MAPRE2: variants seen among roughly 807,000 people sequenced by gnomAD.
MAPRE2 encodes the protein microtubule-associated protein RP/EB family member 2.
A neutral mutation model predicts 43.2 loss-of-function variants in MAPRE2; 13 were observed. The observed-to-expected ratio is 0.30, with a 90% CI of 0.20 to 0.48. The LOEUF (loss-of-function observed/expected upper bound fraction) is 0.48, where lower values mean the gene tolerates loss of function less well. Among genes scored for constraint, MAPRE2 ranks in the 20% least tolerant of loss-of-function variants. The pLI is 0.99. For synonymous variants in MAPRE2, 135 were observed against 148.8 expected (o/e 0.91, Z 0.68); for missense variants, 161 against 400.2 (o/e 0.40, Z 5.10).
chr18:35,100,259 C>A (rs1042390235), intron 3 of MAPRE2, among the ~76,000 whole-genome samples: 1 of 152,140 alleles, frequency 6.6e-6, no homozygotes, highest in Non-Finnish European at 1.5e-5. Context: ...TTTCCATTTT[C>A]TTTAAAAAAA....
chr18:35,143,418 G>C lies in MAPRE2; in HGVS notation c.*3049G>C, dbSNP rs1033596895. The C allele has an allele frequency of 6.6e-6, 1 of 151,752 alleles. No homozygotes were observed. Among genetic ancestry groups the C allele is most frequent in the African/African-American group, 2.4e-5 (1 of 41,308 alleles). 9.4% of individuals were successfully genotyped at this position (151,752 alleles called of 1,614,324 possible). The stretch of plus-strand genomic sequence containing the variant: ...TTGTCTCTGAATATGTGAATAACTT[G>C]ACTTGCATTGATCTTTTTACATATT... On this transcript the variant is annotated 3_prime_UTR_variant, in exon 7 of 7. Transcript: ENST00000300249.
rs571580414 is a variant in MAPRE2 at position 35,136,838 on chromosome 18, A to G, written c.910-3457A>G. On this transcript the variant is annotated intron_variant, in intron 6 of 6. Transcript: ENST00000300249. ...TTTGCCTCTCTATCTAATGATTATA[A>G]GGAAACTAAAGAATGATAGTTTTCT... Among the ~76,000 whole-genome samples the G allele has an allele frequency of 2.6e-5, 4 of 152,342 alleles. No individual in the cohort carries two copies. The South Asian group carries it at 8.3e-4, about 32-fold the overall frequency.
chr18:35,137,958 T>G (rs1910462215), intron 6 of MAPRE2, among the ~76,000 whole-genome samples: 2 of 152,184 alleles, frequency 1.3e-5, no homozygotes, highest in South Asian at 4.1e-4. Context: ...GTTAGTTTCA[T>G]TCTTCTCCCT....
At chr18:35,124,217 C>T (rs1909810159) in intron 4 of MAPRE2, among the ~76,000 whole-genome samples, 1 of 152,092 alleles carries the variant, frequency 6.6e-6, no homozygotes, top group South Asian at 2.1e-4. Flanking sequence ...GCAAACATGT[C>T]CCTCTTCACA....
intron 2 of MAPRE2, among the ~76,000 whole-genome samples, chr18:35,023,282 G>A (rs1292301516): frequency 1.3e-5 from 2 of 152,040 alleles, no homozygotes; most frequent in African/African-American, 4.8e-5. Context: ...GGAGGCCGAG[G>A]TGGGTGGATC....
At chr18:34,984,415 G>C (rs2097017946) in intron 1 of MAPRE2, 1 of 152,008 alleles carries the variant, frequency 6.6e-6, no homozygotes, top group African/African-American at 2.4e-5. Context: ...GCAATTTATA[G>C]ACTGAAAAGA....
intron 5 of MAPRE2, among the ~76,000 whole-genome samples, chr18:35,130,911 C>T (rs1012678327): frequency 5.3e-5 from 8 of 152,148 alleles, no homozygotes; most frequent in Admixed American, 3.9e-4. Flanking sequence ...CTGCCTCCTC[C>T]CTTCACTTGG....
At chr18:35,077,055 T>C (rs966948797) in intron 2 of MAPRE2, among the ~76,000 whole-genome samples, 1 of 152,190 alleles carries the variant, frequency 6.6e-6, no homozygotes, top group African/African-American at 2.4e-5. Context: ...TGGAATGCCA[T>C]TGTTTTATTG....
chr18:34,999,928 C>T (rs2097028467), intron 1 of MAPRE2, among the ~76,000 whole-genome samples: 1 of 151,812 alleles, frequency 6.6e-6, no homozygotes. Flanking sequence ...TGAGCCCAAC[C>T]CAAGACCATT....
intron 1 of MAPRE2, among the ~76,000 whole-genome samples, chr18:35,003,445 A>G (rs1192839067): frequency 6.6e-6 from 1 of 152,242 alleles, no homozygotes; most frequent in Non-Finnish European, 1.5e-5. Flanking sequence ...TTCATTTATA[A>G]TAAGATAGTT....
chr18:35,085,908 C>T, intron 2 of MAPRE2, among the ~76,000 whole-genome samples: 1 of 152,172 alleles, frequency 6.6e-6, no homozygotes, highest in East Asian at 1.9e-4. Context: ...CCTTCCCATT[C>T]TTTGTTGATA....
At chr18:35,114,472 G>A (rs1909319484) in intron 4 of MAPRE2, among the ~76,000 whole-genome samples, 1 of 152,152 alleles carries the variant, frequency 6.6e-6, no homozygotes, top group Non-Finnish European at 1.5e-5. Context: ...TGCAGGAAAT[G>A]TTAAAACCAT....
intron 4 of MAPRE2, among the ~76,000 whole-genome samples, chr18:35,104,056 G>C (rs1180978244): frequency 6.6e-6 from 1 of 152,110 alleles, no homozygotes; most frequent in African/African-American, 2.4e-5. Flanking sequence ...CTGCAAAAAA[G>C]ATGAACATCA....
At chr18:35,108,899 A>G (rs755821511) in intron 4 of MAPRE2, among the ~76,000 whole-genome samples, 12 of 152,140 alleles carry the variant, frequency 7.9e-5, no homozygotes, top group Non-Finnish European at 1.5e-4. Flanking sequence ...GTAGATTGCA[A>G]AAATGTTCTC....
intron 1 of MAPRE2, among the ~76,000 whole-genome samples, chr18:35,069,134 C>T (rs1906982383): frequency 6.6e-6 from 1 of 152,046 alleles, no homozygotes; most frequent in African/African-American, 2.4e-5. Flanking sequence ...TGAGAAAAAT[C>T]CAGAATGTGG....
chr18:35,038,003 C>A (rs994944761), upstream of MAPRE2, among the ~76,000 whole-genome samples: 3 of 152,206 alleles, frequency 2.0e-5, no homozygotes, highest in African/African-American at 7.2e-5. Flanking sequence ...CATCCATGGG[C>A]ACTCTGCTGG....
At chr18:35,122,266 C>T (rs1357149018) in intron 4 of MAPRE2, among the ~76,000 whole-genome samples, 2 of 152,108 alleles carry the variant, frequency 1.3e-5, no homozygotes, top group African/African-American at 4.8e-5. Flanking sequence ...ATTTAATGAG[C>T]CCACTTTACA....
chr18:35,091,782 C>A (rs1908162576), intron 2 of MAPRE2, among the ~76,000 whole-genome samples: 1 of 151,844 alleles, frequency 6.6e-6, no homozygotes, highest in Non-Finnish European at 1.5e-5. Flanking sequence ...AAATACACTA[C>A]AGAGCTGTAG....
At chr18:35,044,762 T>G (rs377229967) in intron 1 of MAPRE2, among the ~76,000 whole-genome samples, 1 of 152,178 alleles carries the variant, frequency 6.6e-6, no homozygotes, top group East Asian at 1.9e-4. Flanking sequence ...ACCTAGAGGA[T>G]AGGGTGGCTC....
Sources: gnomAD v4.1 joint callset for allele counts (sites outside exome capture counted in the v4.1 genomes callset) on GRCh38, gnomAD v4.1.1 for gene constraint, MANE v1.5 for transcripts, NCBI Gene and HGNC (gene_info 2026-07-23, HGNC 2026-07-21) for gene names.